GNAL: variants seen among roughly 807,000 people sequenced by gnomAD.
The protein encoded by GNAL is G protein subunit alpha L.
In GNAL, 18 loss-of-function variants were observed where a neutral mutation model predicts 55.1. The ratio of observed to expected loss-of-function variants is 0.33; its 90% confidence interval spans 0.23 to 0.48. The LOEUF (loss-of-function observed/expected upper bound fraction) is 0.48. Among genes scored for constraint, GNAL ranks in the 20% least tolerant of loss-of-function variants. GNAL has a pLI of 0.99. For missense variants in GNAL, 412 were observed against 614.1 expected (o/e 0.67, Z 3.48); for synonymous variants, 253 against 237.0 (o/e 1.07, Z -0.62).
chr18:11,820,397 C>T (rs942118970), intron 4 of GNAL, among the ~76,000 whole-genome samples: 6 of 152,110 alleles, frequency 3.9e-5, no homozygotes, highest in South Asian at 2.1e-4. Context: ...TTAATGACTT[C>T]GCAGAATCCT....
chr18:11,776,847 G>A (rs536760865), intron 4 of GNAL, among the ~76,000 whole-genome samples: 3 of 151,784 alleles, frequency 2.0e-5, no homozygotes, highest in African/African-American at 7.3e-5. Flanking sequence ...TTACTGGATT[G>A]TGTGCTGCGG....
At chr18:11,693,736 A>C (rs2031322865) in intron 1 of GNAL, among the ~76,000 whole-genome samples, 1 of 109,458 alleles carries the variant, frequency 9.1e-6, no homozygotes, top group African/African-American at 4.9e-5. Flanking sequence ...TTGCTCCAGC[A>C]GTGTCTTTTT....
intron 1 of GNAL, among the ~76,000 whole-genome samples, chr18:11,742,792 G>A (rs1220130101): frequency 2.0e-5 from 3 of 152,152 alleles, no homozygotes; most frequent in Non-Finnish European, 4.4e-5. Flanking sequence ...GGGATTCCAA[G>A]GACCCTCACA....
intron 4 of GNAL, among the ~76,000 whole-genome samples, chr18:11,784,725 T>C (rs916155780): frequency 6.6e-6 from 1 of 152,034 alleles, no homozygotes; most frequent in African/African-American, 2.4e-5. Context: ...GTAAAAGAAA[T>C]GGAGAAAGAT....
In GNAL at chr18:11,881,007, G is replaced by T. The variant is rs142792291; in HGVS notation, c.1249G>T (p.Gly417Cys). Residue 417 changes from glycine (G) to cysteine (C), a missense_variant, in exon 12 of 12, where the codon GGT becomes TGT. By Grantham distance (159) the Gly-to-Cys change is radical. Transcript: ENST00000334049. This position sits in a 1 kb window ranked among gnomAD's most constrained non-coding sequence, Gnocchi z 4.8. ...CTTGCAGAGGATCAGCACGGCCACCGGTGACGGCAAACATTACTGCTACCC... is the reference window on the plus strand; with the variant it reads ...CTTGCAGAGGATCAGCACGGCCACCTGTGACGGCAAACATTACTGCTACCC... ...DLFLRISTATGDGKHYCYPHF... is the reference protein window; with the variant it reads ...DLFLRISTATCDGKHYCYPHF... 3 of 1,614,026 alleles carry T rather than the reference G, an allele frequency of 1.9e-6. No homozygotes were observed. The highest frequency in any genetic ancestry group is 2.5e-6 in the Non-Finnish European group (3 of 1,179,940).
chr18:11,689,683 A>C lies in GNAL; in HGVS notation c.120A>C (p.Pro40=), dbSNP rs767065649. The change falls in exon 1 of 12, where the codon CCA becomes CCC. Residue 40 remains proline (P), a synonymous_variant. Coordinates refer to ENST00000334049, the MANE Select transcript of GNAL (RefSeq NM_182978.4). ...CCGCCCCGGCCCCGGCCCTGGCCCC[A>C]GTCCGGGCGGCCGCAAGGGACACGG... The part of the protein sequence containing the change: ...AQPAPAPALA[P]VRAAARDTAR... 2.1e-5 allele frequency: 30 copies of C among 1,457,566 alleles called. No homozygotes were observed. Among genetic ancestry groups the C allele is most frequent in the Middle Eastern group, 2.1e-4 (1 of 4,748 alleles). 90.3% of individuals were successfully genotyped at this position (1,457,566 alleles called of 1,614,324 possible). A position where few individuals can be genotyped will look rare whatever the true frequency, so the allele number is the denominator to read the frequency against.
intron 1 of GNAL, among the ~76,000 whole-genome samples, chr18:11,713,659 G>C (rs967934264): frequency 3.3e-5 from 5 of 152,116 alleles, no homozygotes; most frequent in African/African-American, 1.2e-4. Flanking sequence ...CACATATCTA[G>C]AGCGAAAACA....
rs557818099 is a variant in GNAL at position 11,724,118 on chromosome 18, G to A, written c.377-28735G>A. 2.6e-5 allele frequency among the ~76,000 whole-genome samples: 4 copies of A among 152,282 alleles called. No homozygotes were observed. In the South Asian group the frequency reaches 8.3e-4, roughly 32 times the overall value. On this transcript the variant is annotated intron_variant, in intron 1 of 11. Coordinates refer to ENST00000334049, the MANE Select transcript of GNAL (RefSeq NM_182978.4). ...TTAGGTTAGAAGCCTGCATTAGTCT[G>A]TTCTTGCATTGCTGGAAAGAAATGC...
intron 9 of GNAL, among the ~76,000 whole-genome samples, chr18:11,869,302 C>T (rs1480812714): frequency 6.6e-6 from 1 of 152,022 alleles, no homozygotes; most frequent in Non-Finnish European, 1.5e-5. Flanking sequence ...CTCCACCACA[C>T]CCAGCTAATA....
chr18:11,853,713 G>A (rs2035936069), intron 5 of GNAL: 1 of 167,070 alleles, frequency 6.0e-6, no homozygotes, highest in Non-Finnish European at 1.5e-5. Context: ...TCAGAAGTGT[G>A]CTTTAAGGGA....
At position 11,823,770 on chromosome 18, in the gene GNAL, G is replaced by A. The variant is rs952805111; in HGVS notation, c.625-1148G>A. On this transcript the variant is annotated intron_variant, in intron 4 of 11. Coordinates refer to ENST00000334049, the MANE Select transcript of GNAL (RefSeq NM_182978.4). The stretch of plus-strand genomic sequence containing the variant: ...AGCCTGAGAACCCTGAAGATCAAAG[G>A]CAGGCAAATAACTGCTGTGGGAAGG... Among the ~76,000 whole-genome samples the A allele has an allele frequency of 2.6e-5, 4 of 151,204 alleles. No homozygotes were observed. The Admixed American group carries it at 2.7e-4, about 10-fold the overall frequency.
rs2036706909 is a variant in GNAL at position 11,882,068 on chromosome 18, A to C, written c.*933A>C. On this transcript the variant is annotated 3_prime_UTR_variant, in exon 12 of 12. Coordinates refer to ENST00000334049, the MANE Select transcript of GNAL (RefSeq NM_182978.4). ...ATTTTATCAGGTTGGCACTTTATAA[A>C]ATACTCCCTGATTTAAAAAATTGTA... is the stretch of plus-strand genomic sequence containing the variant. The C allele has an allele frequency of 6.6e-6, 1 of 152,234 alleles. No homozygotes were observed. The highest frequency in any genetic ancestry group is 6.5e-5 in the Admixed American group (1 of 15,282). 9.4% of individuals were successfully genotyped at this position (152,234 alleles called of 1,614,324 possible).
chr18:11,797,008 G>A (rs935104435), intron 4 of GNAL, among the ~76,000 whole-genome samples: 10 of 152,192 alleles, frequency 6.6e-5, no homozygotes, highest in East Asian at 1.9e-4. Flanking sequence ...AGGCTGGAGT[G>A]CAGTGGTGTG....
At chr18:11,756,221 G>T (rs2033051620) in intron 4 of GNAL, among the ~76,000 whole-genome samples, 1 of 152,122 alleles carries the variant, frequency 6.6e-6, no homozygotes, top group South Asian at 2.1e-4. Flanking sequence ...CATCTAATTT[G>T]TGAAAGTGTT....
intron 4 of GNAL, among the ~76,000 whole-genome samples, chr18:11,802,592 C>G (rs2034548795): frequency 6.6e-6 from 1 of 152,208 alleles, no homozygotes; most frequent in East Asian, 1.9e-4. Flanking sequence ...CCAGTGACTT[C>G]CCATCCATCC....
chr18:11,852,232 C>T (rs2035892047), intron 5 of GNAL: 5 of 1,286,636 alleles, frequency 3.9e-6, no homozygotes, highest in South Asian at 1.6e-5. Context: ...TGCCCTTCTA[C>T]CTTTGGGTTT....
At position 11,882,362 on chromosome 18, in the gene GNAL, C is replaced by T. The variant is rs1026690773; in HGVS notation, c.*1227C>T. 6.6e-6 allele frequency: 1 copy of T among 152,196 alleles called. No individual in the cohort carries two copies. Among genetic ancestry groups the T allele is most frequent in the Admixed American group, 6.5e-5 (1 of 15,278 alleles). The allele number at this position is 152,196 out of a possible 1,614,324, so 9.4% of individuals were successfully genotyped here. ...CCTTAGTCAAAACTTTGGACACAGG[C>T]TACGTCATACAAGTAAGCAAACAGT... On this transcript the variant is annotated 3_prime_UTR_variant, in exon 12 of 12. Transcript: ENST00000334049.
intron 4 of GNAL, among the ~76,000 whole-genome samples, chr18:11,814,673 G>T (rs137987362): frequency 0.019 from 2,961 of 152,256 alleles, 115 homozygotes; most frequent in African/African-American, 0.069. Context: ...AAAGCAGGTG[G>T]ATCACTTGAG....
intron 1 of GNAL, among the ~76,000 whole-genome samples, chr18:11,699,672 T>C (rs1335408210): frequency 6.6e-6 from 1 of 152,152 alleles, no homozygotes; most frequent in Non-Finnish European, 1.5e-5. Context: ...GTGAAAACTG[T>C]TCCCTGTTGT....
Sources: gnomAD v4.1 joint callset for allele counts (sites outside exome capture counted in the v4.1 genomes callset) on GRCh38, gnomAD v4.1.1 for gene constraint, Gnocchi (gnomAD v3.1) non-coding constraint, MANE v1.5 for transcripts, NCBI Gene and HGNC (gene_info 2026-07-23, HGNC 2026-07-21) for gene names.